The following CABCOCO1 variants were observed in gnomAD, a reference collection of about 807,000 sequenced individuals.
CABCOCO1 encodes ciliary associated calcium binding coiled-coil 1.
In CABCOCO1, 28 loss-of-function variants were observed where a neutral mutation model predicts 35.7. The observed-to-expected ratio is 0.78, with a 90% CI of 0.58 to 1.07. The LOEUF (loss-of-function observed/expected upper bound fraction) is 1.07. Ranked by LOEUF, CABCOCO1 falls within the 50% of genes least tolerant of loss-of-function variation. CABCOCO1 has a pLI of 0.00. For synonymous variants in CABCOCO1, 95 were observed against 100.1 expected, an observed-to-expected ratio of 0.95 and a Z score of 0.30; for missense variants, 326 against 309.2, an observed-to-expected ratio of 1.05 and a Z score of -0.41.
At chr10:61,738,967 T>G (rs1841485599) in intron 5 of CABCOCO1, among the ~76,000 whole-genome samples, 1 of 152,212 alleles carries the variant, frequency 6.6e-6, no homozygotes, top group South Asian at 2.1e-4. Context: ...ACATTGCTAA[T>G]TACAAGTGAG....
intron 3 of CABCOCO1, among the ~76,000 whole-genome samples, chr10:61,685,605 G>T (rs1315281366): frequency 1.3e-5 from 2 of 152,170 alleles, no homozygotes; most frequent in Non-Finnish European, 2.9e-5. Context: ...GTGTCACCCA[G>T]GCTGGAGTGC....
intron 5 of CABCOCO1, among the ~76,000 whole-genome samples, chr10:61,734,918 A>G (rs1201564940): frequency 2.0e-5 from 3 of 152,136 alleles, no homozygotes; most frequent in Admixed American, 2.0e-4. Context: ...ACCAGATTAG[A>G]TAAGAAACAT....
chr10:61,709,066 T>C (rs1330910762), intron 5 of CABCOCO1, among the ~76,000 whole-genome samples: 3 of 152,122 alleles, frequency 2.0e-5, no homozygotes, highest in African/African-American at 7.2e-5. Flanking sequence ...CTCTAAGAAT[T>C]TGGAAGAAGT....
chr10:61,677,071 T>A (rs916719724), intron 2 of CABCOCO1, among the ~76,000 whole-genome samples: 15 of 149,890 alleles, frequency 1.0e-4, no homozygotes, highest in African/African-American at 2.2e-4. Context: ...TCTCAAAAAA[T>A]AATAATAATA....
chr10:61,758,327 TG>T (rs1841940519), intron 5 of CABCOCO1, among the ~76,000 whole-genome samples: 1 of 151,978 alleles, frequency 6.6e-6, no homozygotes, highest in Non-Finnish European at 1.5e-5. Flanking sequence ...TTTCCTAGCT[TG>T]GTAAAATAAA....
At chr10:61,684,158 T>C (rs1839884290) in intron 3 of CABCOCO1, among the ~76,000 whole-genome samples, 1 of 152,172 alleles carries the variant, frequency 6.6e-6, no homozygotes, top group African/African-American at 2.4e-5. Flanking sequence ...TAGAATGATA[T>C]AGGAAAACCT....
intron 5 of CABCOCO1, among the ~76,000 whole-genome samples, chr10:61,742,953 C>T (rs979801089): frequency 5.3e-5 from 8 of 152,150 alleles, no homozygotes; most frequent in Admixed American, 2.0e-4. Context: ...TTCTTTACTG[C>T]ACTATTTAAC....
intron 5 of CABCOCO1, among the ~76,000 whole-genome samples, chr10:61,748,957 C>A (rs887902147): frequency 6.6e-6 from 1 of 152,096 alleles, no homozygotes; most frequent in Non-Finnish European, 1.5e-5. Context: ...CACAACAGAA[C>A]TAATATCTTA....
chr10:61,704,874 G>A (rs902699785), intron 5 of CABCOCO1, among the ~76,000 whole-genome samples: 4 of 138,962 alleles, frequency 2.9e-5, no homozygotes, highest in African/African-American at 1.1e-4. Context: ...CTAGCCTCCT[G>A]TTGTTGCTCT....
intron 5 of CABCOCO1, among the ~76,000 whole-genome samples, chr10:61,693,463 T>C (rs1840209674): frequency 6.6e-6 from 1 of 152,106 alleles, no homozygotes; most frequent in South Asian, 2.1e-4. Context: ...AAATTTAGTT[T>C]CTTTAATTGT....
At chr10:61,765,354 G>A (rs17210692) in intron 7 of CABCOCO1, among the ~76,000 whole-genome samples, 23,216 of 152,128 alleles carry the variant, frequency 0.15, 2,054 homozygotes, top group Middle Eastern at 0.24. Context: ...TCACCACCTC[G>A]GCAATCACAA....
chr10:61,766,017 C>T lies in CABCOCO1; in HGVS notation c.*4C>T, dbSNP rs370250886. The T allele has an allele frequency of 1.2e-6, 2 of 1,609,208 alleles. No homozygotes were observed. The highest frequency in any genetic ancestry group is 2.7e-5 in the African/African-American group (2 of 74,780). On this transcript the variant is annotated 3_prime_UTR_variant, in exon 8 of 8. Coordinates refer to ENST00000648843, the MANE Select transcript of CABCOCO1 (RefSeq NM_001366906.2). Reference sequence around the variant, plus strand: ...AGAAAAATTGAAAAAGGCCTAAGGACTTGGTACAAGGAGAGTGATGCTAAA... The same window carrying T: ...AGAAAAATTGAAAAAGGCCTAAGGATTTGGTACAAGGAGAGTGATGCTAAA...
chr10:61,764,497 G>C (rs1268334542), intron 7 of CABCOCO1, among the ~76,000 whole-genome samples: 2 of 151,982 alleles, frequency 1.3e-5, no homozygotes, highest in African/African-American at 2.4e-5. Flanking sequence ...TAATTTTTAA[G>C]GTAAGAGCTA....
intron 5 of CABCOCO1, among the ~76,000 whole-genome samples, chr10:61,744,462 C>A (rs973096217): frequency 1.3e-5 from 2 of 152,108 alleles, no homozygotes; most frequent in East Asian, 3.8e-4. Context: ...CTGTAATTTA[C>A]ACTTTGTTTA....
intron 4 of CABCOCO1, among the ~76,000 whole-genome samples, chr10:61,688,474 A>T (rs1246955997): frequency 6.6e-6 from 1 of 152,204 alleles, no homozygotes; most frequent in Non-Finnish European, 1.5e-5. Flanking sequence ...CATGACTGTA[A>T]GTACTGGCAA....
At chr10:61,753,934 G>C (rs1026009091) in intron 5 of CABCOCO1, among the ~76,000 whole-genome samples, 1 of 152,118 alleles carries the variant, frequency 6.6e-6, no homozygotes, top group East Asian at 1.9e-4. Flanking sequence ...TGGGCTGCTT[G>C]AGCAGTGTTA....
chr10:61,688,826 C>G (rs1840045016), intron 4 of CABCOCO1, among the ~76,000 whole-genome samples: 2 of 152,182 alleles, frequency 1.3e-5, no homozygotes, highest in Admixed American at 1.3e-4. Flanking sequence ...GAAGTTGAGT[C>G]AGTCAGAAGC....
intron 5 of CABCOCO1, among the ~76,000 whole-genome samples, chr10:61,738,512 A>G (rs907449895): frequency 6.6e-6 from 1 of 152,236 alleles, no homozygotes; most frequent in African/African-American, 2.4e-5. Context: ...TATTTTTGCT[A>G]GTAAACAAAT....
chr10:61,681,627 AACTAC>A (rs1187689387), intron 3 of CABCOCO1, among the ~76,000 whole-genome samples: 1 of 152,134 alleles, frequency 6.6e-6, no homozygotes, highest in Non-Finnish European at 1.5e-5. Context: ...GTAAATTTAA[AACTAC>A]ACTAAAATTA....
Sources: gnomAD v4.1 joint callset for allele counts (sites outside exome capture counted in the v4.1 genomes callset) on GRCh38, gnomAD v4.1.1 for gene constraint, MANE v1.5 for transcripts, NCBI Gene and HGNC (gene_info 2026-07-23, HGNC 2026-07-21) for gene names.